Variants in H2BC18 observed in about 807,000 individuals in gnomAD.
H2BC18 encodes histone H2B type 2-F.
In H2BC18, 8 loss-of-function variants were observed where a neutral mutation model predicts 6.3. That is an observed-to-expected ratio of 1.28 (90% CI 0.75 to 2.31). The LOEUF is 2.31. Among genes scored for constraint, H2BC18 ranks in the 30% most tolerant of loss-of-function variants. The probability of loss-of-function intolerance (pLI) is 0.00; values close to 1 mark genes in which losing one functional copy is unlikely to be tolerated. For synonymous variants in H2BC18, 104 were observed against 78.1 expected, an observed-to-expected ratio of 1.33 and a Z score of -1.75; for missense variants, 106 against 174.5, an observed-to-expected ratio of 0.61 and a Z score of 2.21.
intron 1 of H2BC18, among the ~76,000 whole-genome samples, chr1:149,785,023 T>C (rs1553750667): frequency 6.6e-6 from 1 of 152,222 alleles, no homozygotes; most frequent in African/African-American, 2.4e-5. Context: ...ATGGAATTAT[T>C]GTCATATTTT....
At position 149,805,673 on chromosome 1, in the gene H2BC18, T is replaced by C. The variant is rs2788809; in HGVS notation, c.377+6274A>G. 6.1e-3 allele frequency: 931 copies of C among 151,872 alleles called. 8 individuals carry two copies. The highest frequency in any genetic ancestry group is 0.021 in the African/African-American group (864 of 41,140). The allele number at this position is 151,872 out of a possible 1,614,324, so 9.4% of individuals were successfully genotyped here. A position where few individuals can be genotyped will look rare whatever the true frequency, so the allele number is the denominator to read the frequency against. On this transcript the variant is annotated intron_variant, in intron 1 of 1. Coordinates refer to the H2BC18 transcript ENST00000545683. ...CATGTACTCAGTTACTTCTGTTTCT[T>C]GAATCCATCATTCATCCCATAGATA...
chr1:149,793,091 G>A (rs1361607199), intron 1 of H2BC18: 6 of 1,273,952 alleles, frequency 4.7e-6, no homozygotes, highest in Non-Finnish European at 6.1e-6. Context: ...TGCAGCTGCC[G>A]CCAAGCCCCG....
Position 149,812,329 on chromosome 1 carries a change from C to T in H2BC18, c.-6G>A. On this transcript the variant is annotated 5_prime_UTR_variant, in exon 1 of 1. Coordinates refer to ENST00000369167, the MANE Select transcript of H2BC18 (RefSeq NM_001024599.5). Reference sequence around the variant, plus strand: ...GATTTCGCTGGATCCGGCATTTTTGCGCGAAAAAAGAGAAAAGAGACTTAA... The same window carrying T: ...GATTTCGCTGGATCCGGCATTTTTGTGCGAAAAAAGAGAAAAGAGACTTAA... The T allele has an allele frequency of 6.2e-7, 1 of 1,613,132 alleles. No homozygotes were observed. The highest frequency in any genetic ancestry group is 8.5e-7 in the Non-Finnish European group (1 of 1,179,732).
intron 1 of H2BC18, among the ~76,000 whole-genome samples, chr1:149,802,563 C>T (rs2664711): frequency 0.17 from 25,315 of 151,946 alleles, 2,931 homozygotes; most frequent in African/African-American, 0.33. Flanking sequence ...AGATTAGATA[C>T]AGATATATTA....
At chr1:149,790,061 T>C in intron 1 of H2BC18, 1 of 1,613,744 alleles carries the variant, frequency 6.2e-7, no homozygotes, top group South Asian at 1.1e-5. Context: ...TAGAGCTATT[T>C]CCAGCTCCAG....
chr1:149,785,727 G>A (rs1191959663), intron 1 of H2BC18: 2 of 152,036 alleles, frequency 1.3e-5, no homozygotes, highest in Non-Finnish European at 2.9e-5. Flanking sequence ...AGCCATAAAT[G>A]TATGCCACAG....
chr1:149,788,597 G>A, intron 1 of H2BC18: 1 of 1,613,982 alleles, frequency 6.2e-7, no homozygotes, highest in Non-Finnish European at 8.5e-7. Flanking sequence ...ACATCAGCAG[G>A]AATATCTGTC....
At chr1:149,805,485 G>T (rs1347188456) in intron 1 of H2BC18, 6 of 152,028 alleles carry the variant, frequency 3.9e-5, no homozygotes, top group Admixed American at 3.9e-4. Context: ...ATACTCTGAG[G>T]CTTCTAAACT....
chr1:149,794,172 G>A (rs2091773216), intron 1 of H2BC18: 1 of 355,482 alleles, frequency 2.8e-6, no homozygotes, highest in Non-Finnish European at 5.6e-6. Context: ...CATGGTAACA[G>A]TGGAGCTATT....
In H2BC18 at chr1:149,812,153, G is replaced by C. The variant is rs145239184; in HGVS notation, c.171C>G (p.Ser57=). Residue 57 remains serine, a synonymous_variant, in exon 1 of 1, where the codon TCC becomes TCG. Transcript: ENST00000369167. ...KQVHPDTGIS[S]KAMGIMNSFV... ...AGGAGTTCATGATGCCCATGGCCTT[G>C]GACGAGATGCCGGTGTCGGGGTGGA... The C allele has an allele frequency of 1.5e-5, 25 of 1,614,278 alleles. No individual in the cohort carries two copies. Among genetic ancestry groups the C allele is most frequent in the Non-Finnish European group, 2.0e-5 (24 of 1,180,048 alleles).
At chr1:149,793,597 C>G (rs1171421879) in intron 1 of H2BC18, among the ~76,000 whole-genome samples, 2 of 151,768 alleles carry the variant, frequency 1.3e-5, no homozygotes, top group Non-Finnish European at 2.9e-5. Context: ...TGGGACCTAC[C>G]GAGGCTTCAC....
downstream of H2BC18, among the ~76,000 whole-genome samples, chr1:149,809,196 A>G (rs2091949887): frequency 4.9e-5 from 6 of 122,312 alleles, no homozygotes; most frequent in Admixed American, 5.4e-4. Context: ...GTCTTCTGGA[A>G]TGCACCTCTC....
At position 149,784,306 on chromosome 1, in the gene H2BC18, T is replaced by C. The variant is rs782029914; in HGVS notation, c.378-1046A>G. 5 of 1,610,140 alleles carry C rather than the reference T, an allele frequency of 3.1e-6. No individual in the cohort carries two copies. In the South Asian group the frequency reaches 5.5e-5, roughly 18 times the overall value. ...GGCCGGAAACCACAAGGTCTTCCTC[T>C]GCGTTCTCTCCTTTCTGGATGCCAG... On this transcript the variant is annotated intron_variant, in intron 1 of 1. Coordinates refer to the H2BC18 transcript ENST00000545683.
intron 1 of H2BC18, among the ~76,000 whole-genome samples, chr1:149,789,235 A>C (rs1184350159): frequency 6.6e-6 from 1 of 151,948 alleles, no homozygotes; most frequent in Non-Finnish European, 1.5e-5. Flanking sequence ...AGTCAGGAAC[A>C]AAAATAATGA....
intron 1 of H2BC18, among the ~76,000 whole-genome samples, chr1:149,801,302 T>G (rs1297445112): frequency 6.6e-6 from 1 of 150,720 alleles, no homozygotes; most frequent in Non-Finnish European, 1.5e-5. Flanking sequence ...TTGTCAATTT[T>G]TTATCATTTC....
At chr1:149,811,649 C>T, downstream of H2BC18, 1 of 490,036 alleles carries the variant, frequency 2.0e-6, no homozygotes, top group Non-Finnish European at 3.7e-6. Context: ...CTCCTTCCCT[C>T]CATCCCTCCC....
intron 1 of H2BC18, among the ~76,000 whole-genome samples, chr1:149,789,306 T>C (rs141375543): frequency 0.054 from 8,203 of 151,942 alleles, 308 homozygotes; most frequent in Non-Finnish European, 0.081. Context: ...GGCAGGAGAA[T>C]AGCATGAACC....
chr1:149,802,996 A>G (rs1230866726), intron 1 of H2BC18, among the ~76,000 whole-genome samples: 2 of 152,150 alleles, frequency 1.3e-5, no homozygotes, highest in African/African-American at 4.8e-5. Context: ...TCAAATGTTA[A>G]TCTCCTCTGG....
chr1:149,808,828 T>C (rs1404192025), downstream of H2BC18, among the ~76,000 whole-genome samples: 1 of 152,016 alleles, frequency 6.6e-6, no homozygotes, highest in East Asian at 1.9e-4. Context: ...CAAAACAAGC[T>C]TGTTCCTAGT....
Sources: allele counts gnomAD v4.1 joint callset (sites outside exome capture counted in the v4.1 genomes callset), GRCh38; gene constraint gnomAD v4.1.1; transcripts MANE v1.5; gene names NCBI Gene and HGNC (gene_info 2026-07-23, HGNC 2026-07-21).